MRTFA: variants seen among roughly 807,000 people sequenced by gnomAD.
The protein encoded by MRTFA is myocardin-related transcription factor A.
MRTFA carries 20 observed loss-of-function variants against 83.5 expected under a neutral mutation model. That is an observed-to-expected ratio of 0.24 (90% CI 0.17 to 0.35). The LOEUF (loss-of-function observed/expected upper bound fraction) is 0.35, where lower values mean the gene tolerates loss of function less well. MRTFA is among the 10% of genes least tolerant of loss of function. The pLI is 1.00. For synonymous variants in MRTFA, 659 were observed against 541.2 expected, an observed-to-expected ratio of 1.22 and a Z score of -3.02; for missense variants, 1,200 against 1,224.7, an observed-to-expected ratio of 0.98 and a Z score of 0.30.
At chr22:40,527,334 AGCCTGATACT>A (rs913936986) in intron 3 of MRTFA, among the ~76,000 whole-genome samples, 2 of 151,876 alleles carry the variant, frequency 1.3e-5, no homozygotes, top group African/African-American at 4.8e-5. Flanking sequence ...CCATGAGCTC[AGCCTGATACT>A]GCCCTTTAGC....
intron 3 of MRTFA, among the ~76,000 whole-genome samples, chr22:40,488,962 T>A (rs933473170): frequency 6.6e-6 from 1 of 152,186 alleles, no homozygotes; most frequent in Admixed American, 6.5e-5. Context: ...AGATCTTTCA[T>A]AGATCTAACA....
At chr22:40,518,808 A>C (rs1057092474) in intron 3 of MRTFA, among the ~76,000 whole-genome samples, 2 of 150,196 alleles carry the variant, frequency 1.3e-5, no homozygotes, top group Non-Finnish European at 3.0e-5. Flanking sequence ...AAAAAAAAAA[A>C]AAAAAAAAAA....
At chr22:40,453,794 C>T (rs1253328916) in intron 4 of MRTFA, among the ~76,000 whole-genome samples, 8 of 152,144 alleles carry the variant, frequency 5.3e-5, no homozygotes, top group Non-Finnish European at 7.4e-5. Flanking sequence ...AAACCAGACC[C>T]TCATCTGCCC....
chr22:40,445,618 G>A (rs1182466011), intron 4 of MRTFA, among the ~76,000 whole-genome samples: 5 of 151,914 alleles, frequency 3.3e-5, no homozygotes, highest in Admixed American at 6.6e-5. Flanking sequence ...GCGCAATCTC[G>A]GCTCACTGCA....
At chr22:40,461,204 CAAAAAAAAAAAA>C (rs55733153) in intron 4 of MRTFA, among the ~76,000 whole-genome samples, 8 of 50,294 alleles carry the variant, frequency 1.6e-4, no homozygotes, top group South Asian at 7.2e-4. Flanking sequence ...GAACTTGTCT[CAAAAAAAAAAAA>C]AAAAAAAAAA....
chr22:40,589,204 T>C (rs1444286070), intron 2 of MRTFA, among the ~76,000 whole-genome samples: 1 of 152,206 alleles, frequency 6.6e-6, no homozygotes, highest in Non-Finnish European at 1.5e-5. Flanking sequence ...CAGGAATGTC[T>C]ATGATTATTT....
intron 2 of MRTFA, among the ~76,000 whole-genome samples, chr22:40,578,612 AT>A (rs927542556): frequency 2.0e-5 from 3 of 151,620 alleles, no homozygotes; most frequent in Non-Finnish European, 1.5e-5. Context: ...TTCTCTCAAA[AT>A]TTTTTTTTAG....
chr22:40,621,718 G>C (rs2056525157), intron 1 of MRTFA, among the ~76,000 whole-genome samples: 2 of 152,180 alleles, frequency 1.3e-5, no homozygotes, highest in South Asian at 4.1e-4. Flanking sequence ...GCAGAAGCTA[G>C]AGCCAGAGAC....
intron 1 of MRTFA, among the ~76,000 whole-genome samples, chr22:40,628,685 C>CT (rs1341544870): frequency 6.6e-6 from 1 of 152,112 alleles, no homozygotes; most frequent in Non-Finnish European, 1.5e-5. Context: ...TCACAACGCT[C>CT]TTTCTTCCAA....
intron 4 of MRTFA, among the ~76,000 whole-genome samples, chr22:40,457,047 A>G (rs2053597136): frequency 6.6e-6 from 1 of 152,224 alleles, no homozygotes; most frequent in South Asian, 2.1e-4. Flanking sequence ...ACGATTCCCA[A>G]GTTACAAATA....
intron 3 of MRTFA, among the ~76,000 whole-genome samples, chr22:40,550,551 T>C (rs966126766): frequency 6.6e-6 from 1 of 152,124 alleles, no homozygotes; most frequent in African/African-American, 2.4e-5. Context: ...ATTAACAGCT[T>C]GAATTAGAAG....
At chr22:40,453,145 T>C (rs1029572709) in intron 4 of MRTFA, among the ~76,000 whole-genome samples, 12 of 152,212 alleles carry the variant, frequency 7.9e-5, no homozygotes, top group African/African-American at 2.7e-4. Flanking sequence ...TCTCTCAGCT[T>C]CAACTCTAGG....
At chr22:40,461,302 T>C (rs982328161) in intron 4 of MRTFA, among the ~76,000 whole-genome samples, 1 of 151,846 alleles carries the variant, frequency 6.6e-6, no homozygotes, top group African/African-American at 2.4e-5. Flanking sequence ...CCTATCACTA[T>C]TGTGGTAGGT....
At chr22:40,478,184 G>C (rs1334922874) in intron 3 of MRTFA, among the ~76,000 whole-genome samples, 2 of 152,086 alleles carry the variant, frequency 1.3e-5, no homozygotes, top group Non-Finnish European at 2.9e-5. Flanking sequence ...ATTCTCCTTG[G>C]GAGTCTATTG....
At chr22:40,566,427 G>A (rs989069639) in intron 2 of MRTFA, among the ~76,000 whole-genome samples, 10 of 151,986 alleles carry the variant, frequency 6.6e-5, no homozygotes, top group African/African-American at 2.2e-4. Context: ...TCACCATCTT[G>A]GCCAGACTGG....
chr22:40,449,274 G>GAAAAA (rs35140973), intron 4 of MRTFA, among the ~76,000 whole-genome samples: 26 of 87,850 alleles, frequency 3.0e-4, no homozygotes, highest in Middle Eastern at 6.9e-3. Context: ...CTCCAAACGA[G>GAAAAA]AAAAAAAAAA....
chr22:40,428,478 G>A (rs2053000249), intron 7 of MRTFA, among the ~76,000 whole-genome samples: 1 of 152,182 alleles, frequency 6.6e-6, no homozygotes, highest in South Asian at 2.1e-4. Context: ...AGTGTGCCAA[G>A]AGGCCCTGCA....
chr22:40,489,008 A>G (rs1316397904), intron 3 of MRTFA, among the ~76,000 whole-genome samples: 1 of 152,198 alleles, frequency 6.6e-6, no homozygotes, highest in East Asian at 1.9e-4. Context: ...ATAAAATCAT[A>G]AAACACCAAC....
intron 3 of MRTFA, among the ~76,000 whole-genome samples, chr22:40,531,140 C>T (rs977218888): frequency 6.6e-5 from 10 of 152,014 alleles, no homozygotes; most frequent in Admixed American, 3.3e-4. Context: ...GCTCTGTCGC[C>T]CCAGTTGGAG....
Sources: allele counts gnomAD v4.1 joint callset (sites outside exome capture counted in the v4.1 genomes callset), GRCh38; gene constraint gnomAD v4.1.1; transcripts MANE v1.5; gene names NCBI Gene and HGNC (gene_info 2026-07-23, HGNC 2026-07-21).